AP3S2: variants seen among roughly 807,000 people sequenced by gnomAD.
The protein encoded by AP3S2 is AP-3 complex subunit sigma-2.
AP3S2 carries 22 observed loss-of-function variants against 23.4 expected under a neutral mutation model. That is an observed-to-expected ratio of 0.94 (90% CI 0.67 to 1.34). AP3S2 has a LOEUF of 1.34. Ranked by LOEUF, AP3S2 falls within the 40% of genes most tolerant of loss-of-function variation. The probability of loss-of-function intolerance (pLI) is 0.00; values close to 1 mark genes in which losing one functional copy is unlikely to be tolerated. For synonymous variants in AP3S2, 86 were observed against 87.1 expected, an observed-to-expected ratio of 0.99 and a Z score of 0.07; for missense variants, 241 against 236.9, an observed-to-expected ratio of 1.02 and a Z score of -0.11.
At chr15:89,843,330 A>C (rs2141840283) in intron 4 of AP3S2, among the ~76,000 whole-genome samples, 1 of 151,074 alleles carries the variant, frequency 6.6e-6, no homozygotes, top group East Asian at 2.0e-4. Context: ...GTGCCAACTA[A>C]CAGGTGACTG....
intron 4 of AP3S2, among the ~76,000 whole-genome samples, chr15:89,856,363 G>A (rs1895835936): frequency 6.6e-6 from 1 of 152,002 alleles, no homozygotes; most frequent in Non-Finnish European, 1.5e-5. Context: ...AGGAATTTGA[G>A]ACCAGGTTGG....
intron 4 of AP3S2, among the ~76,000 whole-genome samples, chr15:89,859,552 G>A (rs1285046278): frequency 5.3e-5 from 8 of 150,764 alleles, no homozygotes; most frequent in African/African-American, 9.7e-5. Context: ...ACGCCACCAC[G>A]CCTGGGTAAT....
chr15:89,839,848 CT>C lies in AP3S2; in HGVS notation c.346-2127del, dbSNP rs541001343. ...TTCAGCCTTAAAAAGGAAAAGAATT[CT>C]TTTTTTTTTTTTCATCTGAATTGAG... On this transcript the variant is annotated intron_variant, in intron 4 of 5. Coordinates refer to ENST00000336418, the MANE Select transcript of AP3S2 (RefSeq NM_005829.5). Among the ~76,000 whole-genome samples the C allele has an allele frequency of 9.2e-3, 1,335 of 144,602 alleles. 18 individuals are homozygous for C. Among genetic ancestry groups the C allele is most frequent in the African/African-American group, 0.022 (881 of 39,728 alleles). The allele number at this position is 144,602 out of a possible 152,430, so 94.9% of individuals were successfully genotyped here.
intron 3 of AP3S2, among the ~76,000 whole-genome samples, chr15:89,888,177 T>C (rs1204627464): frequency 7.9e-5 from 12 of 152,138 alleles, no homozygotes; most frequent in Non-Finnish European, 1.5e-5. Context: ...TATAAAACGA[T>C]GAAATAATGC....
intron 4 of AP3S2, among the ~76,000 whole-genome samples, chr15:89,858,523 G>GAGAAAGAAAGAAAGAAAGAAAGAAAGAA (rs58144640): frequency 1.9e-5 from 1 of 53,654 alleles, no homozygotes; most frequent in Non-Finnish European, 3.8e-5. Context: ...GAGAGAGAGA[G>GAGAAAGAAAGAAAGAAAGAAAGAAAGAA]AGAAAGAAAG....
At chr15:89,873,630 C>T (rs953400518) in intron 3 of AP3S2, among the ~76,000 whole-genome samples, 23 of 151,952 alleles carry the variant, frequency 1.5e-4, no homozygotes, top group African/African-American at 5.3e-4. Flanking sequence ...CCATCTCTGC[C>T]CATTCTGAGA....
In AP3S2 at chr15:89,889,177, C is replaced by A; in HGVS notation, c.70-37G>T. 3 of 1,611,906 alleles carry A rather than the reference C, an allele frequency of 1.9e-6. No homozygotes were observed. The East Asian group carries it at 6.7e-5, about 36-fold the overall frequency. On this transcript the variant is annotated intron_variant, in intron 1 of 5. Coordinates refer to ENST00000336418, the MANE Select transcript of AP3S2 (RefSeq NM_005829.5). ...AAAGATAAGTGAATCAGTGGGCAAG[C>A]CTGAAAAACTACATCCCATCCATGG...
At chr15:89,850,661 T>C (rs1018769183) in intron 4 of AP3S2, 1 of 153,860 alleles carries the variant, frequency 6.5e-6, no homozygotes, top group Admixed American at 6.5e-5. Context: ...GTGAGCCCAC[T>C]GTACCTACCA....
At chr15:89,876,383 C>T (rs1279964641) in intron 3 of AP3S2, among the ~76,000 whole-genome samples, 2 of 151,976 alleles carry the variant, frequency 1.3e-5, no homozygotes, top group Non-Finnish European at 2.9e-5. Context: ...CACACCACTG[C>T]ACTCCAGCCT....
At chr15:89,849,649 G>A (rs149197468) in intron 4 of AP3S2, among the ~76,000 whole-genome samples, 19 of 152,198 alleles carry the variant, frequency 1.2e-4, no homozygotes, top group Middle Eastern at 3.4e-3. Context: ...TTACAGGCAT[G>A]AGCCACTGCG....
intron 4 of AP3S2, among the ~76,000 whole-genome samples, chr15:89,858,527 A>G (rs4932258): frequency 0.032 from 1,193 of 36,988 alleles, 8 homozygotes; most frequent in Non-Finnish European, 0.042. Context: ...GAGAGAGAGA[A>G]AGAAAGAAAG....
At position 89,830,639 on chromosome 15, in the gene AP3S2, G is replaced by C. The variant is rs1278892012; in HGVS notation, c.*4876C>G. On this transcript the variant is annotated 3_prime_UTR_variant, in exon 6 of 6. Transcript: ENST00000336418. The stretch of plus-strand genomic sequence containing the variant: ...GTTATTTATTGAACGCCATGGACCA[G>C]GTACCGTGCCCAGCAGCTGGGATGC... 1 of 152,358 alleles carries C rather than the reference G, an allele frequency of 6.6e-6. No individual in the cohort carries two copies. Among genetic ancestry groups the C allele is most frequent in the Non-Finnish European group, 1.5e-5 (1 of 68,140 alleles). 9.4% of individuals were successfully genotyped at this position (152,358 alleles called of 1,614,324 possible).
chr15:89,889,810 G>A (rs12914403), intron 1 of AP3S2, among the ~76,000 whole-genome samples: 2 of 136,882 alleles, frequency 1.5e-5, no homozygotes, highest in Admixed American at 8.2e-5. Context: ...GTTACAGTGA[G>A]CCGAGATCAC....
intron 4 of AP3S2, among the ~76,000 whole-genome samples, chr15:89,857,089 G>C (rs188651568): frequency 7.1e-4 from 108 of 152,218 alleles, no homozygotes; most frequent in Middle Eastern, 6.8e-3. Flanking sequence ...CAAACAGTTT[G>C]GAGAACTACA....
intron 4 of AP3S2, among the ~76,000 whole-genome samples, chr15:89,849,647 A>G (rs145308437): frequency 0.037 from 5,696 of 152,176 alleles, 137 homozygotes; most frequent in Non-Finnish European, 0.057. Context: ...GATTACAGGC[A>G]TGAGCCACTG....
chr15:89,851,218 T>C (rs911247948), intron 4 of AP3S2, among the ~76,000 whole-genome samples: 20 of 152,326 alleles, frequency 1.3e-4, no homozygotes, highest in Admixed American at 2.6e-4. Flanking sequence ...CAAAGTACTA[T>C]GTTATTTCAG....
intron 4 of AP3S2, among the ~76,000 whole-genome samples, chr15:89,869,380 G>A (rs560421827): frequency 1.2e-3 from 175 of 148,966 alleles, no homozygotes; most frequent in African/African-American, 4.2e-3. Flanking sequence ...CAGCATGCGC[G>A]TTAAGAGTCA....
chr15:89,871,801 T>C (rs1488480778), intron 3 of AP3S2, among the ~76,000 whole-genome samples: 1 of 152,080 alleles, frequency 6.6e-6, no homozygotes, highest in African/African-American at 2.4e-5. Flanking sequence ...TGTGGCTCTT[T>C]CCCCCTTTAT....
intron 4 of AP3S2, among the ~76,000 whole-genome samples, chr15:89,867,023 CCCCTCTCCCTCT>C (rs1185601561): frequency 5.8e-5 from 7 of 120,146 alleles, no homozygotes; most frequent in Non-Finnish European, 8.6e-5. Context: ...CCTCCCCCTC[CCCCTCTCCCTCT>C]CCCTCTCCCT....
Sources: allele counts gnomAD v4.1 joint callset (sites outside exome capture counted in the v4.1 genomes callset), GRCh38; gene constraint gnomAD v4.1.1; transcripts MANE v1.5; gene names NCBI Gene and HGNC (gene_info 2026-07-23, HGNC 2026-07-21).